The following SUSD1 variants were observed in gnomAD, a reference collection of about 807,000 sequenced individuals.
SUSD1 encodes the protein sushi domain-containing protein 1.
Under a neutral mutation model 86.9 loss-of-function variants are expected in SUSD1, and 65 were observed. That is an observed-to-expected ratio of 0.75 (90% confidence interval 0.61 to 0.92). The LOEUF (loss-of-function observed/expected upper bound fraction) is 0.92, where lower values mean the gene tolerates loss of function less well. Among genes scored for constraint, SUSD1 ranks in the 40% least tolerant of loss-of-function variants. SUSD1 has a pLI of 0.00. For missense variants in SUSD1, 850 were observed against 929.7 expected (o/e 0.91, Z 1.11); for synonymous variants, 346 against 350.0 (o/e 0.99, Z 0.13).
chr9:112,049,761 G>A (rs1828110151), intron 15 of SUSD1, among the ~76,000 whole-genome samples: 1 of 152,208 alleles, frequency 6.6e-6, no homozygotes, highest in African/African-American at 2.4e-5. Flanking sequence ...ACATAAAAAA[G>A]TATTGCTAGA....
intron 3 of SUSD1, 124 bp from the exon 4 acceptor site, chr9:112,143,747 T>A: frequency 1.1e-6 from 1 of 943,492 alleles, no homozygotes; most frequent in Non-Finnish European, 1.5e-6. Flanking sequence ...GATGCATTTG[T>A]TTGCAATTGT....
chr9:112,138,264 T>TACATATATATATATGTATATAC (rs1564329025), intron 5 of SUSD1, among the ~76,000 whole-genome samples: 32 of 61,838 alleles, frequency 5.2e-4, no homozygotes, highest in South Asian at 1.5e-3. Context: ...TATGTGTATA[T>TACATATATATATATGTATATAC]ACATATATAT....
intron 6 of SUSD1, among the ~76,000 whole-genome samples, chr9:112,123,273 C>T (rs1473750478): frequency 6.6e-6 from 1 of 152,100 alleles, no homozygotes; most frequent in Non-Finnish European, 1.5e-5. Flanking sequence ...GAAGAGGGAG[C>T]AGGCATGTCA....
At position 112,059,146 on chromosome 9, in the gene SUSD1, G is replaced by A. The variant is rs1387708055; in HGVS notation, c.1851-460C>T. ...CACGACACTAGGCAAGAAAAAGTCC[G>A]GGCCCATGTGGGATTTACAGTCTGA... On this transcript the variant is annotated intron_variant, in intron 13 of 16. Transcript: ENST00000374270. Among the ~76,000 whole-genome samples, 4 of 152,220 alleles carry A rather than the reference G, an allele frequency of 2.6e-5. 1 individual carries two copies. The highest frequency in any genetic ancestry group is 4.4e-5 in the Non-Finnish European group (3 of 68,012).
At chr9:112,149,104 A>G in intron 3 of SUSD1, 140 bp downstream of exon 3, 1 of 1,216,076 alleles carries the variant, frequency 8.2e-7, no homozygotes, top group Non-Finnish European at 1.2e-6. Context: ...CTCCCAAAAT[A>G]AGAATATTAT....
chr9:112,173,314 A>G (rs530196477), intron 1 of SUSD1, among the ~76,000 whole-genome samples: 8 of 152,168 alleles, frequency 5.3e-5, no homozygotes, highest in Non-Finnish European at 1.2e-4. Flanking sequence ...ATTCTCAACC[A>G]CAAGTCTCCT....
intron 10 of SUSD1, among the ~76,000 whole-genome samples, chr9:112,087,666 T>C (rs926992953): frequency 6.6e-6 from 1 of 151,468 alleles, no homozygotes; most frequent in African/African-American, 2.4e-5. Context: ...GGAAAACAAC[T>C]GAAAATAATA....
intron 2 of SUSD1, among the ~76,000 whole-genome samples, chr9:112,152,202 CAAAA>C (rs199561925): frequency 3.3e-5 from 2 of 60,454 alleles, no homozygotes; most frequent in Non-Finnish European, 6.9e-5. Context: ...GACTCTGTCT[CAAAA>C]AAAAAAAAAA....
intron 1 of SUSD1, among the ~76,000 whole-genome samples, chr9:112,167,153 G>C (rs1330316224): frequency 6.6e-6 from 1 of 151,878 alleles, no homozygotes; most frequent in Non-Finnish European, 1.5e-5. Context: ...CTAGAGTGTA[G>C]TGGCACAATC....
At chr9:112,056,443 G>C (rs1828452731) in intron 14 of SUSD1, among the ~76,000 whole-genome samples, 2 of 152,134 alleles carry the variant, frequency 1.3e-5, no homozygotes, top group Non-Finnish European at 2.9e-5. Context: ...AAATGGTTAA[G>C]ACAGTAAATT....
chr9:112,072,976 C>T (rs895621003), intron 12 of SUSD1, among the ~76,000 whole-genome samples: 3 of 152,188 alleles, frequency 2.0e-5, no homozygotes, highest in Non-Finnish European at 4.4e-5. Context: ...TCACTGAGGA[C>T]ACAGGGGTAC....
At chr9:112,105,503 G>A (rs1830800533) in intron 8 of SUSD1, among the ~76,000 whole-genome samples, 1 of 152,222 alleles carries the variant, frequency 6.6e-6, no homozygotes, top group Non-Finnish European at 1.5e-5. Flanking sequence ...TGGATCACTT[G>A]AGGTCAGGAG....
chr9:112,065,953 C>T (rs971128074), intron 12 of SUSD1, among the ~76,000 whole-genome samples: 1 of 152,222 alleles, frequency 6.6e-6, no homozygotes, highest in Non-Finnish European at 1.5e-5. Flanking sequence ...CAATTCTATG[C>T]TAGGAACTTT....
At chr9:112,087,578 C>T (rs145984461) in intron 10 of SUSD1, among the ~76,000 whole-genome samples, 1 of 152,064 alleles carries the variant, frequency 6.6e-6, no homozygotes, top group African/African-American at 2.4e-5. Flanking sequence ...AATACAAAAT[C>T]ACATTAGAAA....
chr9:112,080,230 A>G, intron 10 of SUSD1, 65 bp from the exon 11 acceptor site: 1 of 1,186,154 alleles, frequency 8.4e-7, no homozygotes, highest in East Asian at 2.4e-5. Flanking sequence ...CTTTTAATTG[A>G]GCCATTTTTC....
Position 112,098,536 on chromosome 9 carries a change from T to C in SUSD1, c.1408A>G (p.Asn470Asp). The change falls in exon 10 of 17, where the codon AAT becomes GAT. Residue 470 changes from asparagine (N) to aspartate (D), a missense_variant. Asn to Asp is a conservative substitution (Grantham distance 23). Coordinates refer to ENST00000374270, the MANE Select transcript of SUSD1 (RefSeq NM_022486.5). ...DLYPTTDYTV[N>D]VTLLRSPKRH... ...TTAGGAGATCTCAGCAGGGTCACATTCACCGTATAATCAGTCGTAGGGTAC... is the reference window on the plus strand; with the variant it reads ...TTAGGAGATCTCAGCAGGGTCACATCCACCGTATAATCAGTCGTAGGGTAC... 1 of 1,614,100 alleles carries C rather than the reference T, an allele frequency of 6.2e-7. No individual in the cohort carries two copies. The highest frequency in any genetic ancestry group is 8.5e-7 in the Non-Finnish European group (1 of 1,179,964).
intron 10 of SUSD1, among the ~76,000 whole-genome samples, chr9:112,097,395 C>CTTTTT (rs764568520): frequency 2.9e-5 from 3 of 103,238 alleles, no homozygotes; most frequent in Non-Finnish European, 5.6e-5. Context: ...ATTTCAGAGT[C>CTTTTT]TTTTTTTTTT....
intron 12 of SUSD1, among the ~76,000 whole-genome samples, chr9:112,076,110 G>A (rs1452853198): frequency 1.3e-5 from 2 of 152,202 alleles, no homozygotes; most frequent in African/African-American, 4.8e-5. Flanking sequence ...TCACTGGAGA[G>A]TTTTGAGCTG....
intron 15 of SUSD1, among the ~76,000 whole-genome samples, chr9:112,047,945 T>C (rs1317787160): frequency 6.6e-6 from 1 of 152,192 alleles, no homozygotes; most frequent in African/African-American, 2.4e-5. Flanking sequence ...TATTCTGTTA[T>C]AGCAACACAA....
Sources: gnomAD v4.1 joint callset for allele counts (sites outside exome capture counted in the v4.1 genomes callset) on GRCh38, gnomAD v4.1.1 for gene constraint, MANE v1.5 for transcripts, NCBI Gene and HGNC (gene_info 2026-07-23, HGNC 2026-07-21) for gene names.